NAV3: variants seen among roughly 807,000 people sequenced by gnomAD.
NAV3 encodes neuron navigator 3.
NAV3 carries 87 observed loss-of-function variants against 244.7 expected under a neutral mutation model. The ratio of observed to expected loss-of-function variants is 0.36; its 90% confidence interval spans 0.30 to 0.42. The LOEUF is 0.42. NAV3 is among the 20% of genes least tolerant of loss of function. NAV3 has a pLI of 1.00. For missense variants in NAV3, 2,663 were observed against 2,893.3 expected (o/e 0.92, Z 1.83); for synonymous variants, 1,126 against 1,042.2 (o/e 1.08, Z -1.55).
chr12:77,900,823 G>C (rs568591412), intron 1 of NAV3, among the ~76,000 whole-genome samples: 2 of 152,232 alleles, frequency 1.3e-5, no homozygotes, highest in East Asian at 1.9e-4. Context: ...CCCACCAAGA[G>C]TGTATAAGCA....
At chr12:77,943,170 AAG>A (rs1323764271) in intron 3 of NAV3, among the ~76,000 whole-genome samples, 1 of 152,188 alleles carries the variant, frequency 6.6e-6, no homozygotes, top group African/African-American at 2.4e-5. Context: ...CAAATCTGTG[AAG>A]AGTCTCTTGA....
At chr12:77,738,235 T>C (rs1868260353) in intron 2 of NAV3, among the ~76,000 whole-genome samples, 2 of 152,196 alleles carry the variant, frequency 1.3e-5, no homozygotes, top group Non-Finnish European at 2.9e-5. Flanking sequence ...CATCTTATCA[T>C]CTCTTTTTAC....
intron 10 of NAV3, among the ~76,000 whole-genome samples, chr12:78,050,328 A>G (rs1882549733): frequency 6.6e-6 from 1 of 152,152 alleles, no homozygotes; most frequent in Non-Finnish European, 1.5e-5. Flanking sequence ...CTTTTTCAGT[A>G]TAATTTCCAG....
rs761903227 is a variant in NAV3 at position 77,901,822 on chromosome 12, G to C, written c.244-38497G>C. On this transcript the variant is annotated intron_variant, in intron 1 of 39. Transcript: ENST00000397909. Reference sequence around the variant, plus strand: ...GCTACTTTGGCTCCTCAAAGAGGAGGCATCTCTTCCTCATTAGTTTCTGTT... The same window carrying C: ...GCTACTTTGGCTCCTCAAAGAGGAGCCATCTCTTCCTCATTAGTTTCTGTT... Among the ~76,000 whole-genome samples, 83 of 152,262 alleles carry C rather than the reference G, an allele frequency of 5.5e-4. 1 individual carries two copies. The highest frequency in any genetic ancestry group is 9.7e-4 in the Non-Finnish European group (66 of 68,020).
At chr12:77,718,923 G>A (rs563765647) in intron 2 of NAV3, among the ~76,000 whole-genome samples, 1 of 152,194 alleles carries the variant, frequency 6.6e-6, no homozygotes, top group Non-Finnish European at 1.5e-5. Flanking sequence ...CCAAAGTGCT[G>A]GGATTACAGG....
At chr12:78,130,866 G>T in intron 18 of NAV3, 1 of 194,806 alleles carries the variant, frequency 5.1e-6, no homozygotes, top group African/African-American at 2.3e-5. Flanking sequence ...TATTCTCCAG[G>T]TACTCCAGCA....
In NAV3 at chr12:78,119,896, A is replaced by G. The variant is rs2138638895; in HGVS notation, c.3700A>G (p.Arg1234Gly). The change falls in exon 15 of 40, where the codon AGG becomes GGG. Residue 1234 changes from arginine to glycine, a missense_variant. By Grantham distance (125) the Arg-to-Gly change is moderately radical. Transcript: ENST00000397909. ...SASACGAQGL[R>G]QPGSKYPDIA... Reference sequence around the variant, plus strand: ...CAGCGCCTGTGGTGCACAAGGTCTCAGGCAGCCAGGATCCAAGTATCCAGA... The same window carrying G: ...CAGCGCCTGTGGTGCACAAGGTCTCGGGCAGCCAGGATCCAAGTATCCAGA... 1 of 1,614,164 alleles carries G rather than the reference A, an allele frequency of 6.2e-7. No individual in the cohort carries two copies. The highest frequency in any genetic ancestry group is 8.5e-7 in the Non-Finnish European group (1 of 1,180,014).
At chr12:78,032,791 A>G (rs1879217490) in intron 9 of NAV3, among the ~76,000 whole-genome samples, 1 of 152,198 alleles carries the variant, frequency 6.6e-6, no homozygotes, top group African/African-American at 2.4e-5. Flanking sequence ...ATTTGTCCTC[A>G]GAGGCCATCC....
At chr12:78,021,919 A>T in intron 9 of NAV3, 57 bp downstream of exon 9, 1 of 1,094,780 alleles carries the variant, frequency 9.1e-7, no homozygotes, top group South Asian at 1.4e-5. Context: ...TTCTCTCCAT[A>T]AGACTTTTTA....
At chr12:77,627,144 T>A (rs1871666771) in intron 2 of NAV3, among the ~76,000 whole-genome samples, 1 of 151,982 alleles carries the variant, frequency 6.6e-6, no homozygotes, top group Non-Finnish European at 1.5e-5. Context: ...CTATAAGAAA[T>A]ACACTTCCCC....
chr12:78,163,710 G>C (rs1372272823), intron 23 of NAV3, among the ~76,000 whole-genome samples: 1 of 152,122 alleles, frequency 6.6e-6, no homozygotes, highest in Non-Finnish European at 1.5e-5. Flanking sequence ...TAAAAATTAA[G>C]AGAATTGTTA....
At chr12:77,704,368 A>G (rs1055073561) in intron 2 of NAV3, among the ~76,000 whole-genome samples, 2 of 152,172 alleles carry the variant, frequency 1.3e-5, no homozygotes, top group Non-Finnish European at 2.9e-5. Flanking sequence ...AGTTTTTAAG[A>G]TATTATTAAC....
At chr12:77,888,737 T>C (rs1310829724) in intron 1 of NAV3, among the ~76,000 whole-genome samples, 1 of 152,160 alleles carries the variant, frequency 6.6e-6, no homozygotes, top group Non-Finnish European at 1.5e-5. Flanking sequence ...GTATTAAGCA[T>C]TGTGTATGTG....
chr12:77,688,053 C>A (rs1036974859), intron 2 of NAV3, among the ~76,000 whole-genome samples: 3 of 151,932 alleles, frequency 2.0e-5, no homozygotes, highest in Non-Finnish European at 4.4e-5. Flanking sequence ...CCAATTAAGA[C>A]CCACAGATTT....
intron 12 of NAV3, among the ~76,000 whole-genome samples, chr12:78,064,441 G>A (rs1884751142): frequency 6.6e-6 from 1 of 151,508 alleles, no homozygotes; most frequent in South Asian, 2.1e-4. Context: ...CTGCCTGCCT[G>A]CCTGCCTGCC....
intron 2 of NAV3, among the ~76,000 whole-genome samples, chr12:77,632,846 T>C (rs1457647475): frequency 1.3e-5 from 2 of 152,180 alleles, no homozygotes; most frequent in Non-Finnish European, 2.9e-5. Flanking sequence ...GATAATTATA[T>C]AGTGGATGTG....
At chr12:77,759,938 G>A (rs1375812846) in intron 2 of NAV3, among the ~76,000 whole-genome samples, 1 of 152,160 alleles carries the variant, frequency 6.6e-6, no homozygotes, top group African/African-American at 2.4e-5. Flanking sequence ...GCTTGCAGCA[G>A]ATACCCAAAG....
intron 23 of NAV3, among the ~76,000 whole-genome samples, chr12:78,165,356 G>T (rs752623003): frequency 6.6e-6 from 1 of 151,894 alleles, no homozygotes; most frequent in Non-Finnish European, 1.5e-5. Flanking sequence ...ATAAGAAACT[G>T]GAAATGACTG....
chr12:78,112,256 C>T (rs1955133332), intron 12 of NAV3, among the ~76,000 whole-genome samples: 2 of 152,164 alleles, frequency 1.3e-5, no homozygotes, highest in South Asian at 2.1e-4. Context: ...TCATTTGTGA[C>T]CTCTTGCCTA....
Sources: gnomAD v4.1 joint callset for allele counts (sites outside exome capture counted in the v4.1 genomes callset) on GRCh38, gnomAD v4.1.1 for gene constraint, MANE v1.5 for transcripts, NCBI Gene and HGNC (gene_info 2026-07-23, HGNC 2026-07-21) for gene names.